The following RUNDC3B variants were observed in gnomAD, a reference collection of about 807,000 sequenced individuals.
RUNDC3B encodes the protein RUN domain containing 3B.
RUNDC3B carries 33 observed loss-of-function variants against 58.4 expected under a neutral mutation model. That is an observed-to-expected ratio of 0.56 (90% confidence interval 0.43 to 0.75). RUNDC3B has a LOEUF of 0.75. RUNDC3B is among the 30% of genes least tolerant of loss of function. The pLI is 0.00. For missense variants in RUNDC3B, 501 were observed against 535.7 expected (o/e 0.94, Z 0.64); for synonymous variants, 193 against 195.2 (o/e 0.99, Z 0.10).
intron 8 of RUNDC3B, among the ~76,000 whole-genome samples, chr7:87,790,460 C>T (rs1835463497): frequency 6.6e-6 from 1 of 152,018 alleles, no homozygotes; most frequent in Non-Finnish European, 1.5e-5. Flanking sequence ...AAACATCAGA[C>T]CATCCAGGAA....
chr7:87,730,795 C>T (rs948997811), intron 4 of RUNDC3B, among the ~76,000 whole-genome samples: 6 of 152,034 alleles, frequency 3.9e-5, no homozygotes, highest in Non-Finnish European at 2.9e-5. Context: ...TGACTCAGCA[C>T]AGTCCCAATA....
intron 3 of RUNDC3B, among the ~76,000 whole-genome samples, chr7:87,706,798 A>G (rs1030258792): frequency 1.3e-5 from 2 of 152,184 alleles, no homozygotes; most frequent in East Asian, 3.9e-4. Context: ...TTGTGCATGC[A>G]GTTTTCCTAT....
intron 4 of RUNDC3B, among the ~76,000 whole-genome samples, chr7:87,719,496 C>G (rs1194644221): frequency 6.6e-6 from 1 of 151,152 alleles, no homozygotes; most frequent in Admixed American, 6.6e-5. Context: ...AGTAAATATA[C>G]AAAATTAACT....
intron 1 of RUNDC3B, among the ~76,000 whole-genome samples, chr7:87,639,890 T>C (rs749414460): frequency 6.6e-6 from 1 of 151,882 alleles, no homozygotes. Context: ...ACGTTATTAC[T>C]ATTATATTTG....
At chr7:87,710,988 C>G (rs187907073) in intron 4 of RUNDC3B, among the ~76,000 whole-genome samples, 15 of 152,196 alleles carry the variant, frequency 9.9e-5, no homozygotes, top group Admixed American at 3.9e-4. Context: ...TCAATAGCAT[C>G]TTTTTTCTTT....
At chr7:87,662,317 A>G (rs748538568) in intron 2 of RUNDC3B, among the ~76,000 whole-genome samples, 7 of 152,218 alleles carry the variant, frequency 4.6e-5, no homozygotes, top group Non-Finnish European at 8.8e-5. Flanking sequence ...CAGTCAAGAA[A>G]TCCTTGCCCA....
At chr7:87,671,098 C>G (rs946641044) in intron 2 of RUNDC3B, among the ~76,000 whole-genome samples, 1 of 152,144 alleles carries the variant, frequency 6.6e-6, no homozygotes, top group Non-Finnish European at 1.5e-5. Flanking sequence ...AGCAGCCCCT[C>G]AGGGCAATCA....
intron 7 of RUNDC3B, among the ~76,000 whole-genome samples, chr7:87,775,557 T>C (rs1357527511): frequency 6.6e-6 from 1 of 152,220 alleles, no homozygotes; most frequent in Admixed American, 6.5e-5. Context: ...TCTACAGTAG[T>C]GTACAGTAGT....
intron 2 of RUNDC3B, among the ~76,000 whole-genome samples, chr7:87,689,341 A>G (rs1242928469): frequency 6.6e-6 from 1 of 152,094 alleles, no homozygotes; most frequent in African/African-American, 2.4e-5. Context: ...AAAATTAATG[A>G]GACATTTCCA....
Position 87,831,366 on chromosome 7 carries a change from G to C in RUNDC3B, c.*1336G>C, listed in dbSNP as rs1055768412. On this transcript the variant is annotated 3_prime_UTR_variant, in exon 11 of 11. Coordinates refer to ENST00000394654, the MANE Select transcript of RUNDC3B (RefSeq NM_001134405.2). ...TTTGTGTTAGAAATGTAGGAGTGTG[G>C]TGGTTTTCTGCAATATTTAGAGCTT... The C allele has an allele frequency of 6.6e-6, 1 of 151,802 alleles. No individual in the cohort carries two copies. The highest frequency in any genetic ancestry group is 6.6e-5 in the Admixed American group (1 of 15,192). 9.4% of individuals were successfully genotyped at this position (151,802 alleles called of 1,614,324 possible).
intron 6 of RUNDC3B, among the ~76,000 whole-genome samples, chr7:87,750,185 A>T (rs1832883791): frequency 1.3e-5 from 2 of 152,154 alleles, no homozygotes; most frequent in Non-Finnish European, 2.9e-5. Flanking sequence ...AATTTCATCC[A>T]TGTCCCTACA....
At chr7:87,811,938 G>A (rs772460847) in intron 9 of RUNDC3B, among the ~76,000 whole-genome samples, 6 of 152,214 alleles carry the variant, frequency 3.9e-5, no homozygotes, top group East Asian at 1.9e-4. Flanking sequence ...TATCTGTCTC[G>A]ATGTACATTC....
chr7:87,776,464 C>T (rs1311848245), intron 7 of RUNDC3B, among the ~76,000 whole-genome samples: 1 of 151,756 alleles, frequency 6.6e-6, no homozygotes, highest in Non-Finnish European at 1.5e-5. Context: ...AACTAAACAA[C>T]GTATTGTTTA....
intron 2 of RUNDC3B, among the ~76,000 whole-genome samples, chr7:87,657,282 A>G (rs1468288709): frequency 1.3e-5 from 2 of 152,100 alleles, no homozygotes; most frequent in African/African-American, 2.4e-5. Context: ...AGGCAAAGGG[A>G]AAAAAACAAC....
intron 6 of RUNDC3B, among the ~76,000 whole-genome samples, chr7:87,764,557 C>T (rs569642654): frequency 6.6e-5 from 10 of 151,852 alleles, no homozygotes; most frequent in African/African-American, 2.4e-4. Flanking sequence ...CCTTTGTCCC[C>T]TCCTCAGTCT....
intron 1 of RUNDC3B, among the ~76,000 whole-genome samples, chr7:87,634,480 G>A (rs1163570108): frequency 3.8e-5 from 5 of 131,290 alleles, no homozygotes; most frequent in East Asian, 4.8e-4. Context: ...ACAGTCAGGC[G>A]TGGTGGTGGG....
At chr7:87,749,026 A>G (rs1405185699) in intron 6 of RUNDC3B, among the ~76,000 whole-genome samples, 1 of 152,168 alleles carries the variant, frequency 6.6e-6, no homozygotes, top group Non-Finnish European at 1.5e-5. Flanking sequence ...AAATGCGGAG[A>G]GGTTAAATAA....
intron 4 of RUNDC3B, among the ~76,000 whole-genome samples, chr7:87,722,984 G>A (rs1299223488): frequency 6.6e-6 from 1 of 152,166 alleles, no homozygotes; most frequent in Non-Finnish European, 1.5e-5. Flanking sequence ...TGAAGTTGTA[G>A]TTCCATATTG....
At chr7:87,766,608 T>G (rs1215612782) in intron 6 of RUNDC3B, among the ~76,000 whole-genome samples, 1 of 152,072 alleles carries the variant, frequency 6.6e-6, no homozygotes, top group Non-Finnish European at 1.5e-5. Context: ...TTCTGAGAAG[T>G]CTGTTGTTAA....
Sources: allele counts gnomAD v4.1 joint callset (sites outside exome capture counted in the v4.1 genomes callset), GRCh38; gene constraint gnomAD v4.1.1; transcripts MANE v1.5; gene names NCBI Gene and HGNC (gene_info 2026-07-23, HGNC 2026-07-21).